ADARB2: variants seen among roughly 807,000 people sequenced by gnomAD.
ADARB2 encodes the protein inactive double-stranded RNA-specific editase B2.
Under a neutral mutation model 62.2 loss-of-function variants are expected in ADARB2, and 25 were observed. The ratio of observed to expected loss-of-function variants is 0.40; its 90% CI spans 0.29 to 0.56. ADARB2 has a LOEUF of 0.56. ADARB2 is among the 20% of genes least tolerant of loss of function. The pLI is 0.43. For synonymous variants in ADARB2, 572 were observed against 500.8 expected (o/e 1.14, Z -1.90); for missense variants, 1,071 against 1,077.4 (o/e 0.99, Z 0.08).
chr10:1,257,689 C>T (rs551168576), intron 4 of ADARB2, among the ~76,000 whole-genome samples: 9 of 152,256 alleles, frequency 5.9e-5, no homozygotes, highest in African/African-American at 2.2e-4. Flanking sequence ...TTGGTTATAA[C>T]AGCATAGGGC....
rs1206928130 is a variant in ADARB2, at chr10:1,737,221, C to T, written c.-71G>A. On this transcript the variant is annotated 5_prime_UTR_variant, in exon 1 of 10. Transcript: ENST00000381312. ...CTGCACCTGCCTCCTTCCCGGCAGC[C>T]GCCGCCGCCGCTGCTGCGAAGCTTG... 3 of 1,458,526 alleles carry T rather than the reference C, an allele frequency of 2.1e-6. No homozygotes were observed. Among genetic ancestry groups the T allele is most frequent in the Middle Eastern group, 1.9e-4 (1 of 5,264 alleles). The allele number at this position is 1,458,526 out of a possible 1,614,324, so 90.3% of individuals were successfully genotyped here. A position where few individuals can be genotyped will look rare whatever the true frequency, so the allele number is the denominator to read the frequency against.
chr10:1,727,175 T>G (rs571337172), intron 1 of ADARB2, among the ~76,000 whole-genome samples: 1 of 152,212 alleles, frequency 6.6e-6, no homozygotes, highest in African/African-American at 2.4e-5. Context: ...ATTCGTGGTA[T>G]GCGGCGAGAC....
At chr10:1,602,467 T>C (rs1470288337) in intron 1 of ADARB2, among the ~76,000 whole-genome samples, 1 of 152,160 alleles carries the variant, frequency 6.6e-6, no homozygotes, top group Non-Finnish European at 1.5e-5. Context: ...TCTCCTTTCC[T>C]CATCCCTCCG....
chr10:1,623,996 G>T (rs1194703757), intron 1 of ADARB2, among the ~76,000 whole-genome samples: 3 of 152,156 alleles, frequency 2.0e-5, no homozygotes, highest in Non-Finnish European at 4.4e-5. Context: ...GATTTGGGAG[G>T]CTGAGGCGGA....
intron 1 of ADARB2, among the ~76,000 whole-genome samples, chr10:1,736,658 C>G (rs568554228): frequency 6.6e-6 from 1 of 152,296 alleles, no homozygotes; most frequent in Non-Finnish European, 1.5e-5. Flanking sequence ...CGCGAGGGCT[C>G]GTTCCCCCGT....
chr10:1,536,570 C>T (rs959310645), intron 1 of ADARB2, among the ~76,000 whole-genome samples: 3 of 152,166 alleles, frequency 2.0e-5, no homozygotes, highest in South Asian at 4.1e-4. Context: ...GGACGGTGGC[C>T]GCCTCCTTTC....
chr10:1,726,366 GAT>G, intron 1 of ADARB2, among the ~76,000 whole-genome samples: 1 of 118,562 alleles, frequency 8.4e-6, no homozygotes, highest in South Asian at 3.1e-4. Flanking sequence ...TATCTAATAA[GAT>G]AAGACCAAGA....
intron 1 of ADARB2, among the ~76,000 whole-genome samples, chr10:1,467,818 A>T (rs528610358): frequency 1.1e-3 from 167 of 152,338 alleles, no homozygotes; most frequent in African/African-American, 3.8e-3. Flanking sequence ...AGTCGAACAC[A>T]TTAAGCTCAC....
chr10:1,630,035 A>G (rs561069309), intron 1 of ADARB2, among the ~76,000 whole-genome samples: 4 of 152,240 alleles, frequency 2.6e-5, no homozygotes, highest in Admixed American at 1.3e-4. Context: ...TTGGCACTTC[A>G]TGGCCACCTA....
intron 2 of ADARB2, among the ~76,000 whole-genome samples, chr10:1,368,839 C>A (rs1290936493): frequency 7.6e-6 from 1 of 131,598 alleles, no homozygotes; most frequent in Non-Finnish European, 1.6e-5. Flanking sequence ...TGGGGCCGGG[C>A]TGGGTGAGGG....
intron 3 of ADARB2, among the ~76,000 whole-genome samples, chr10:1,289,257 A>C (rs1308024663): frequency 6.6e-6 from 1 of 152,204 alleles, no homozygotes; most frequent in East Asian, 1.9e-4. Context: ...GTCTTTCCAG[A>C]CTGAACCAAT....
At chr10:1,678,275 C>T (rs980381211) in intron 1 of ADARB2, 50 of 984,944 alleles carry the variant, frequency 5.1e-5, no homozygotes, top group South Asian at 1.4e-4. Context: ...TGAGGGACCT[C>T]GGGGTGAGCG....
rs756841096 is a variant in ADARB2 at position 1,737,051 on chromosome 10, C to A, written c.100G>T (p.Asp34Tyr). Residue 34 changes from aspartate (D) to tyrosine (Y), a missense_variant and splice_region_variant, in exon 1 of 10, where the codon GAT becomes TAT. Physicochemically the swap from Asp to Tyr is radical, Grantham distance 160 (BLOSUM62 -3). Coordinates refer to ENST00000381312, the MANE Select transcript of ADARB2 (RefSeq NM_018702.4). ...GGCCGGCGCGCCACGCGGTCCTTACCTTTCCGCTTGGACCTCCGCCTCCTC... is the reference window on the plus strand; with the variant it reads ...GGCCGGCGCGCCACGCGGTCCTTACATTTCCGCTTGGACCTCCGCCTCCTC... ...RRRRRRSKRK[D>Y]KVSILSTFLA... 3 of 1,610,898 alleles carry A rather than the reference C, an allele frequency of 1.9e-6. No homozygotes were observed. The highest frequency in any genetic ancestry group is 1.7e-5 in the Admixed American group (1 of 60,028).
At chr10:1,496,675 C>G (rs1366300254) in intron 1 of ADARB2, among the ~76,000 whole-genome samples, 2 of 152,032 alleles carry the variant, frequency 1.3e-5, no homozygotes, top group Non-Finnish European at 2.9e-5. Flanking sequence ...TCATCATAAT[C>G]ACCATCATTA....
chr10:1,512,882 G>T (rs559759922), intron 1 of ADARB2, among the ~76,000 whole-genome samples: 1 of 152,180 alleles, frequency 6.6e-6, no homozygotes. Flanking sequence ...CCAGCCTTTC[G>T]CACAGCAGGA....
At chr10:1,354,585 G>A (rs1832176041) in intron 3 of ADARB2, among the ~76,000 whole-genome samples, 1 of 152,236 alleles carries the variant, frequency 6.6e-6, no homozygotes, top group African/African-American at 2.4e-5. Flanking sequence ...AGGAGCCTCA[G>A]GGGATGTGAC....
intron 1 of ADARB2, among the ~76,000 whole-genome samples, chr10:1,521,426 C>T (rs1832072914): frequency 6.6e-6 from 1 of 152,134 alleles, no homozygotes. Flanking sequence ...CATTCTAAGG[C>T]CCCCTAAGCT....
At position 1,396,570 on chromosome 10, in the gene ADARB2, C is replaced by T. The variant is rs537881922; in HGVS notation, c.101-17410G>A. Among the ~76,000 whole-genome samples, 5 of 152,102 alleles carry T rather than the reference C, an allele frequency of 3.3e-5. No homozygotes were observed. In the East Asian group the frequency reaches 7.8e-4, roughly 24 times the overall value. Reference sequence around the variant, plus strand: ...GTCCCTGTGACGCCTACTAACCGCCCGCCTCTCCCCTCCCGAGTGCAGGCT... The same window carrying T: ...GTCCCTGTGACGCCTACTAACCGCCTGCCTCTCCCCTCCCGAGTGCAGGCT... On this transcript the variant is annotated intron_variant, in intron 1 of 9. Transcript: ENST00000381312.
At chr10:1,313,268 G>A (rs1457710430) in intron 3 of ADARB2, among the ~76,000 whole-genome samples, 1 of 152,214 alleles carries the variant, frequency 6.6e-6, no homozygotes, top group Non-Finnish European at 1.5e-5. Context: ...ACTCAGAGCT[G>A]TGGCCTGAAC....
Sources: gnomAD v4.1 joint callset for allele counts (sites outside exome capture counted in the v4.1 genomes callset) on GRCh38, gnomAD v4.1.1 for gene constraint, MANE v1.5 for transcripts, NCBI Gene and HGNC (gene_info 2026-07-23, HGNC 2026-07-21) for gene names.